Variants in IRGQ observed in about 807,000 individuals in gnomAD.
IRGQ encodes the protein immunity-related GTPase family Q protein.
A neutral mutation model predicts 10.5 loss-of-function variants in IRGQ; 5 were observed. The observed-to-expected ratio is 0.48, with a 90% confidence interval of 0.25 to 1.00. The LOEUF (loss-of-function observed/expected upper bound fraction) is 1.00. Ranked by LOEUF, IRGQ falls within the 50% of genes least tolerant of loss-of-function variation. The pLI is 0.16. For missense variants in IRGQ, 792 were observed against 877.7 expected (o/e 0.90, Z 1.23); for synonymous variants, 418 against 426.0 (o/e 0.98, Z 0.23).
At chr19:43,595,436 C>T (rs1973123530) in intron 1 of IRGQ, 96 bp from the exon 2 acceptor site, 1 of 1,173,990 alleles carries the variant, frequency 8.5e-7, no homozygotes, top group Admixed American at 2.8e-5. Context: ...CAGTCCTTCA[C>T]CCTGTCCCCT....
rs1459659065 is a variant in IRGQ at position 43,593,322 on chromosome 19, T to C, written c.576A>G (p.Ala192=). ...AGGCCTCACGCACAGCCTCTAGCTC[T>C]GCTGCACCCAACACCTCGAAGCCAT... is the stretch of plus-strand genomic sequence containing the variant. ...AQDGFEVLGA[A]ELEAVREAFE... The change falls in exon 3 of 3, where the codon GCA becomes GCG. Residue 192 remains alanine, a synonymous_variant. Transcript: ENST00000422989. The surrounding 1 kb of genome is among the most constrained non-coding windows in gnomAD (Gnocchi z 6.4). 6.5e-7 allele frequency: 1 copy of C among 1,545,728 alleles called. No individual in the cohort carries two copies. Among genetic ancestry groups the C allele is most frequent in the Non-Finnish European group, 8.7e-7 (1 of 1,147,010 alleles).
rs1445888634 is a variant in IRGQ, at chr19:43,593,374, G to A, written c.531-7C>T. On this transcript the variant is annotated splice_region_variant and splice_polypyrimidine_tract_variant and intron_variant, in intron 2 of 2. Coordinates refer to ENST00000422989, the MANE Select transcript of IRGQ (RefSeq NM_001007561.3). This position sits in a 1 kb window ranked among gnomAD's most constrained non-coding sequence, Gnocchi z 6.4. ...CTGCGCCGGTGGCAGGAGCCTGTGG[G>A]GACAAGAAGGGACAGGGTCAAAGGT... The A allele has an allele frequency of 1.3e-6, 2 of 1,505,666 alleles. No individual in the cohort carries two copies. Among genetic ancestry groups the A allele is most frequent in the South Asian group, 1.4e-5 (1 of 73,808 alleles). The allele number at this position is 1,505,666 out of a possible 1,614,324, so 93.3% of individuals were successfully genotyped here. A position where few individuals can be genotyped will look rare whatever the true frequency, so the allele number is the denominator to read the frequency against.
rs1317259560 is a variant in IRGQ, at chr19:43,592,474, G to A, written c.1424C>T (p.Ala475Val). 5 of 1,590,416 alleles carry A rather than the reference G, an allele frequency of 3.1e-6. No homozygotes were observed. Among genetic ancestry groups the A allele is most frequent in the African/African-American group, 1.3e-5 (1 of 74,780 alleles). Residue 475 changes from alanine (A) to valine (V), a missense_variant, in exon 3 of 3, where the codon GCG (alanine) becomes GTG (valine). Transcript: ENST00000422989. Reference protein sequence around the residue: ...ASPSAARTKAAALRAGAWRPA... With the variant: ...ASPSAARTKAVALRAGAWRPA... ...CCTCCACGCCCCGGCTCGCAACGCC[G>A]CAGCCTTGGTTCGGGCAGCGCTGGG...
chr19:43,592,653 G>A lies in IRGQ; in HGVS notation c.1245C>T (p.Ser415=), dbSNP rs1272888055. The change falls in exon 3 of 3, where the codon AGC becomes AGT. Residue 415 remains serine (S), a synonymous_variant. Transcript: ENST00000422989. ...GCACCTCCCACGTCTCGTCCTCCGG[G>A]CTTAACGCAGCGGCCCGCTCTGAGT... ...GGDSERAAAL[S]PEDETWEVLE... is the part of the protein sequence containing the mutation. The A allele has an allele frequency of 1.9e-6, 3 of 1,605,174 alleles. No individual in the cohort carries two copies. The highest frequency in any genetic ancestry group is 1.7e-5 in the Admixed American group (1 of 60,028).
In IRGQ at chr19:43,589,769, G is replaced by A. The variant is rs1274265000; in HGVS notation, c.*2257C>T. ...AACTCAACTGGCCGAAATGAATAGT[G>A]GGGGAATGTGAGCTACTTCAGATAG... On this transcript the variant is annotated 3_prime_UTR_variant, in exon 3 of 3. Coordinates refer to ENST00000422989, the MANE Select transcript of IRGQ (RefSeq NM_001007561.3). The A allele has an allele frequency of 6.6e-6, 1 of 152,116 alleles. No homozygotes were observed. The highest frequency in any genetic ancestry group is 2.4e-5 in the African/African-American group (1 of 41,414). 9.4% of individuals were successfully genotyped at this position (152,116 alleles called of 1,614,324 possible).
At position 43,589,476 on chromosome 19, in the gene IRGQ, C is replaced by T. The variant is rs547441349; in HGVS notation, c.*2550G>A. Reference sequence around the variant, plus strand: ...CCTATAGTCCCAGCTACTCTGTAGGCGGAGGTGGGAGGATCGTTTGAGCCC... The same window carrying T: ...CCTATAGTCCCAGCTACTCTGTAGGTGGAGGTGGGAGGATCGTTTGAGCCC... On this transcript the variant is annotated 3_prime_UTR_variant, in exon 3 of 3. Coordinates refer to ENST00000422989, the MANE Select transcript of IRGQ (RefSeq NM_001007561.3). 10 of 152,172 alleles carry T rather than the reference C, an allele frequency of 6.6e-5. No individual in the cohort carries two copies. The highest frequency in any genetic ancestry group is 1.9e-4 in the East Asian group (1 of 5,178). The allele number at this position is 152,172 out of a possible 1,614,324, so 9.4% of individuals were successfully genotyped here.
At position 43,594,890 on chromosome 19, in the gene IRGQ, G is replaced by A. The variant is rs760505344; in HGVS notation, c.449C>T (p.Ala150Val). The change falls in exon 2 of 3, where the codon GCG becomes GTG. Residue 150 changes from alanine to valine, a missense_variant. Ala to Val is a moderately conservative substitution (Grantham distance 64). Transcript: ENST00000422989. ...LGAADLFVLP[A>V]NCGSSDGCEE... ...GCAGCCGTCGCTGCTGCCGCAGTTC[G>A]CCGGTAGCACAAACAGATCCGCAGC... 3 of 1,613,892 alleles carry A rather than the reference G, an allele frequency of 1.9e-6. No individual in the cohort carries two copies. The highest frequency in any genetic ancestry group is 2.2e-5 in the South Asian group (2 of 91,088).
Position 43,591,478 on chromosome 19 carries a change from C to T in IRGQ, c.*548G>A, listed in dbSNP as rs1474083370. ...ACTCCCTAGGAGACAAAGACATAGTCCCTGCTAGAGTCTGGGCCACCAACT... is the reference window on the plus strand; with the variant it reads ...ACTCCCTAGGAGACAAAGACATAGTTCCTGCTAGAGTCTGGGCCACCAACT... On this transcript the variant is annotated 3_prime_UTR_variant, in exon 3 of 3. Transcript: ENST00000422989. 3.9e-5 allele frequency: 6 copies of T among 152,320 alleles called. No individual in the cohort carries two copies. The highest frequency in any genetic ancestry group is 1.2e-4 in the African/African-American group (5 of 41,440). The allele number at this position is 152,320 out of a possible 1,614,324, so 9.4% of individuals were successfully genotyped here.
chr19:43,593,099 G>A lies in IRGQ; in HGVS notation c.799C>T (p.Pro267Ser). ...CAGAGCACCACATTCGGGCGCTCTG[G>A]GGCTGGGAAGGGAGTGGGTGCTGTG... The part of the protein sequence containing the change: ...VPTAPTPFPA[P>S]ERPNVVLWTV... The change falls in exon 3 of 3, where the codon CCA becomes TCA. Residue 267 changes from proline (P) to serine (S), a missense_variant. Physicochemically the swap from Pro to Ser is moderately conservative, Grantham distance 74 (BLOSUM62 -1). Transcript: ENST00000422989. This position sits in a 1 kb window ranked among gnomAD's most constrained non-coding sequence, Gnocchi z 6.4. 1 of 1,584,094 alleles carries A rather than the reference G, an allele frequency of 6.3e-7. No individual in the cohort carries two copies. The highest frequency in any genetic ancestry group is 2.3e-5 in the East Asian group (1 of 44,292).
rs754354189 is a variant in IRGQ, at chr19:43,595,144, G to A, written c.195C>T (p.Pro65=). 3.1e-6 allele frequency: 5 copies of A among 1,602,090 alleles called. No individual in the cohort carries two copies. In the South Asian group the frequency reaches 3.3e-5, roughly 11 times the overall value. Residue 65 remains proline, a synonymous_variant, in exon 2 of 3, where the codon CCC becomes CCT. Coordinates refer to ENST00000422989, the MANE Select transcript of IRGQ (RefSeq NM_001007561.3). ...CCGCCGCCCAGGGCCCCGGCGCTGC[G>A]GGTGGGCAGCTCAGCTCGCCCAGAA... ...GLFLGELSCP[P]AAPGPWAAEA... is the part of the protein sequence containing the mutation.
Position 43,588,877 on chromosome 19 carries a change from C to G in IRGQ, c.*3149G>C, listed in dbSNP as rs1341849074. The G allele has an allele frequency of 1.3e-5, 2 of 152,192 alleles. No homozygotes were observed. Among genetic ancestry groups the G allele is most frequent in the Non-Finnish European group, 2.9e-5 (2 of 68,030 alleles). The allele number at this position is 152,192 out of a possible 1,614,324, so 9.4% of individuals were successfully genotyped here. Reference sequence around the variant, plus strand: ...TAAAGATATGGATGAATATTCTTCCCCAAAGCTGAAAGAGCTTTCATGAAA... The same window carrying G: ...TAAAGATATGGATGAATATTCTTCCGCAAAGCTGAAAGAGCTTTCATGAAA... On this transcript the variant is annotated 3_prime_UTR_variant, in exon 3 of 3. Coordinates refer to ENST00000422989, the MANE Select transcript of IRGQ (RefSeq NM_001007561.3).
rs538447701 is a variant in IRGQ at position 43,593,690 on chromosome 19, C to G, written c.531-323G>C. Among the ~76,000 whole-genome samples, 1 of 152,032 alleles carries G rather than the reference C, an allele frequency of 6.6e-6. No individual in the cohort carries two copies. Among genetic ancestry groups the G allele is most frequent in the Admixed American group, 6.5e-5 (1 of 15,272 alleles). ...TTGGGGGCGGGGTTTTTCCAAGGGT[C>G]GGCTGTGCTGGGTGGGACAAAGCTC... On this transcript the variant is annotated intron_variant, in intron 2 of 2. Coordinates refer to ENST00000422989, the MANE Select transcript of IRGQ (RefSeq NM_001007561.3). The surrounding 1 kb of genome is among the most constrained non-coding windows in gnomAD (Gnocchi z 6.4).
In IRGQ at chr19:43,593,189, G is replaced by C. The variant is rs113476402; in HGVS notation, c.709C>G (p.Leu237Val). The C allele has an allele frequency of 1.3e-6, 2 of 1,566,578 alleles. No individual in the cohort carries two copies. The highest frequency in any genetic ancestry group is 1.7e-6 in the Non-Finnish European group (2 of 1,153,904). The change falls in exon 3 of 3, where the codon CTT becomes GTT. Residue 237 changes from leucine (L) to valine (V), a missense_variant. Transcript: ENST00000422989. This position sits in a 1 kb window ranked among gnomAD's most constrained non-coding sequence, Gnocchi z 6.4. ...LAVAGKADVG[L>V]VVDMLLGLDP... ...AATCCAAGCAGCATGTCCACCACAA[G>C]GCCCACGTCAGCCTTGCCAGCCACG... is the stretch of plus-strand genomic sequence containing the variant.
Position 43,592,586 on chromosome 19 carries a change from C to A in IRGQ, c.1312G>T (p.Gly438Ter). 6.3e-7 allele frequency: 1 copy of A among 1,599,984 alleles called. No individual in the cohort carries two copies. The highest frequency in any genetic ancestry group is 1.7e-4 in the Middle Eastern group (1 of 6,058). Residue 438 changes from glycine (G) to a stop codon, truncating the protein, a stop_gained, in exon 3 of 3, where the codon GGA (glycine) becomes TGA (stop). Coordinates refer to ENST00000422989, the MANE Select transcript of IRGQ (RefSeq NM_001007561.3). LOFTEE classifies it low-confidence loss of function (END_TRUNC). ...PPPVFPLRPG[G>*]LPGLCEWLRR... ...AGCCATTCGCATAGCCCTGGGAGTC[C>A]GCCAGGCCGTAGGGGGAACACTGGC...
At position 43,591,872 on chromosome 19, in the gene IRGQ, AT is replaced by A; in HGVS notation, c.*153del. Reference sequence around the variant, plus strand: ...AAAAAAAAGAAAAAAAAAAAAAAAAATCAGGATTCCTGTCCCCCAGACTCTC... The same window carrying A: ...AAAAAAAAGAAAAAAAAAAAAAAAAACAGGATTCCTGTCCCCCAGACTCTC... On this transcript the variant is annotated 3_prime_UTR_variant, in exon 3 of 3. Coordinates refer to ENST00000422989, the MANE Select transcript of IRGQ (RefSeq NM_001007561.3). 4.3e-6 allele frequency: 3 copies of A among 704,284 alleles called. No individual in the cohort carries two copies. The highest frequency in any genetic ancestry group is 1.9e-5 in the African/African-American group (1 of 53,526). 43.6% of individuals were successfully genotyped at this position (704,284 alleles called of 1,614,324 possible). A position where few individuals can be genotyped will look rare whatever the true frequency, so the allele number is the denominator to read the frequency against.
Position 43,594,748 on chromosome 19 carries a change from T to C in IRGQ, c.530+61A>G, listed in dbSNP as rs113866812. 4.7e-3 allele frequency: 6,771 copies of C among 1,455,426 alleles called. 91 individuals carry two copies. The highest frequency in any genetic ancestry group is 0.034 in the South Asian group (2,650 of 77,920). 90.2% of individuals were successfully genotyped at this position (1,455,426 alleles called of 1,614,324 possible). ...GGGGGAGGGATCTCATGGACCTCCA[T>C]GGTCGCACCTAGGTGCCTAGGGTCT... On this transcript the variant is annotated intron_variant, in intron 2 of 2. Transcript: ENST00000422989.
chr19:43,592,894 C>A lies in IRGQ; in HGVS notation c.1004G>T (p.Gly335Val). The A allele has an allele frequency of 6.2e-7, 1 of 1,613,324 alleles. No individual in the cohort carries two copies. The highest frequency in any genetic ancestry group is 8.5e-7 in the Non-Finnish European group (1 of 1,180,034). The stretch of plus-strand genomic sequence containing the variant: ...TTCTCCCAGACACTCCGGATCCTCG[C>A]CCTCGCCGTCTGTGCGCACGCAGAC... ...PLVCVRTDGE[G>V]EDPECLGEGK... is the part of the protein sequence containing the mutation. The change falls in exon 3 of 3, where the codon GGC becomes GTC. Residue 335 changes from glycine (G) to valine (V), a missense_variant. Coordinates refer to ENST00000422989, the MANE Select transcript of IRGQ (RefSeq NM_001007561.3).
chr19:43,592,674 T>G lies in IRGQ; in HGVS notation c.1224A>C (p.Ser408=). ...CCGGGCTTAACGCAGCGGCCCGCTCTGAGTCGCCACCACCTGATTTCTTCA... is the reference window on the plus strand; with the variant it reads ...CCGGGCTTAACGCAGCGGCCCGCTCGGAGTCGCCACCACCTGATTTCTTCA... ...VGMKKSGGGD[S]ERAAALSPED... is the part of the protein sequence containing the mutation. The change falls in exon 3 of 3, where the codon TCA becomes TCC. Residue 408 remains serine, a synonymous_variant. Coordinates refer to ENST00000422989, the MANE Select transcript of IRGQ (RefSeq NM_001007561.3). 1 of 1,606,988 alleles carries G rather than the reference T, an allele frequency of 6.2e-7. No individual in the cohort carries two copies. Among genetic ancestry groups the G allele is most frequent in the Non-Finnish European group, 8.5e-7 (1 of 1,179,952 alleles).
At position 43,593,509 on chromosome 19, in the gene IRGQ, C is replaced by T. The variant is rs1041996597; in HGVS notation, c.531-142G>A. On this transcript the variant is annotated intron_variant, in intron 2 of 2. Transcript: ENST00000422989. The surrounding 1 kb of genome is among the most constrained non-coding windows in gnomAD (Gnocchi z 6.4). The stretch of plus-strand genomic sequence containing the variant: ...AAAGGGAAGGGCCAGACTGATGGCA[C>T]AGCAAATAGAAACCAGATAGGGAGA... 7.8e-5 allele frequency: 57 copies of T among 731,438 alleles called. No individual in the cohort carries two copies. The highest frequency in any genetic ancestry group is 1.1e-4 in the Non-Finnish European group (55 of 509,808). The allele number at this position is 731,438 out of a possible 1,614,324, so 45.3% of individuals were successfully genotyped here.
Sources: allele counts gnomAD v4.1 joint callset (sites outside exome capture counted in the v4.1 genomes callset), GRCh38; gene constraint gnomAD v4.1.1; non-coding constraint Gnocchi (gnomAD v3.1); transcripts MANE v1.5; gene names NCBI Gene and HGNC (gene_info 2026-07-23, HGNC 2026-07-21).